Variants in CPEB3 observed in about 807,000 individuals in gnomAD.
The protein encoded by CPEB3 is cytoplasmic polyadenylation element-binding protein 3.
In CPEB3, 20 loss-of-function variants were observed where a neutral mutation model predicts 67.2. The observed-to-expected ratio is 0.30, with a 90% confidence interval of 0.21 to 0.43. CPEB3 has a LOEUF of 0.43. CPEB3 is among the 20% of genes least tolerant of loss of function. The probability of loss-of-function intolerance (pLI) is 1.00; values close to 1 mark genes in which losing one functional copy is unlikely to be tolerated. For missense variants in CPEB3, 746 were observed against 968.6 expected (o/e 0.77, Z 3.05); for synonymous variants, 376 against 393.1 (o/e 0.96, Z 0.51).
chr10:92,211,506 A>G (rs992930937), intron 2 of CPEB3, among the ~76,000 whole-genome samples: 5 of 152,160 alleles, frequency 3.3e-5, no homozygotes, highest in Non-Finnish European at 7.4e-5. Context: ...AAATTGTTTT[A>G]AACAACAGCT....
intron 1 of CPEB3, among the ~76,000 whole-genome samples, chr10:92,279,799 C>T (rs1276503210): frequency 1.3e-5 from 2 of 152,126 alleles, no homozygotes; most frequent in African/African-American, 4.8e-5. Flanking sequence ...CTCTTGAACC[C>T]AGGAGTTTGA....
intron 2 of CPEB3, among the ~76,000 whole-genome samples, chr10:92,201,227 C>CA (rs1849508665): frequency 6.6e-6 from 1 of 151,848 alleles, no homozygotes; most frequent in South Asian, 2.1e-4. Flanking sequence ...GAGAAGGCAT[C>CA]AAAAAAGTAC....
intron 2 of CPEB3, among the ~76,000 whole-genome samples, chr10:92,206,295 A>T (rs890909363): frequency 6.6e-6 from 1 of 151,606 alleles, no homozygotes; most frequent in African/African-American, 2.4e-5. Flanking sequence ...CTGGTCTCGA[A>T]CTCCCAACCT....
At chr10:92,082,971 A>G (rs1396242157) in intron 8 of CPEB3, among the ~76,000 whole-genome samples, 1 of 152,098 alleles carries the variant, frequency 6.6e-6, no homozygotes, top group Non-Finnish European at 1.5e-5. Context: ...AGAATGTACA[A>G]AGGGTGAAGG....
intron 1 of CPEB3, among the ~76,000 whole-genome samples, chr10:92,240,565 T>C (rs1420111238): frequency 6.6e-6 from 1 of 152,182 alleles, no homozygotes. Flanking sequence ...TCTCTAAAAA[T>C]ACTGTGAGAG....
At chr10:92,053,147 T>C (rs983661366) in intron 9 of CPEB3, among the ~76,000 whole-genome samples, 9 of 152,176 alleles carry the variant, frequency 5.9e-5, no homozygotes, top group African/African-American at 1.9e-4. Flanking sequence ...GGCTTTTTTA[T>C]TTTTGGAACT....
At chr10:92,283,722 C>CTTTTTTTTTTTTTTTTTTTTTTTTTT (rs869248048) in intron 1 of CPEB3, among the ~76,000 whole-genome samples, 2 of 108,950 alleles carry the variant, frequency 1.8e-5, no homozygotes, top group Non-Finnish European at 3.8e-5. Context: ...CTTTTTCTTT[C>CTTTTTTTTTTTTTTTTTTTTTTTTTT]TTTTTTTTTT....
intron 2 of CPEB3, chr10:92,216,688 C>T (rs1174890304): frequency 1.2e-6 from 2 of 1,605,204 alleles, no homozygotes; most frequent in African/African-American, 2.7e-5. Flanking sequence ...CAGCCACAGG[C>T]TCCAAGCGCC....
Position 92,275,540 on chromosome 10 carries a change from G to A in CPEB3, c.-12+15386C>T, listed in dbSNP as rs139916499. 3.6e-3 allele frequency among the ~76,000 whole-genome samples: 542 copies of A among 152,192 alleles called. 2 individuals carry two copies. The highest frequency in any genetic ancestry group is 0.018 in the South Asian group (85 of 4,828). On this transcript the variant is annotated intron_variant, in intron 1 of 9. Coordinates refer to ENST00000265997, the MANE Select transcript of CPEB3 (RefSeq NM_014912.5). ...TGTTATTATTAAATAACAGCTTTATGGAGCTATAATTCACTCACTTAAAGT... is the reference window on the plus strand; with the variant it reads ...TGTTATTATTAAATAACAGCTTTATAGAGCTATAATTCACTCACTTAAAGT...
intron 1 of CPEB3, among the ~76,000 whole-genome samples, chr10:92,280,376 A>G (rs1397391703): frequency 7.0e-6 from 1 of 143,008 alleles, no homozygotes; most frequent in African/African-American, 2.5e-5. Flanking sequence ...AAAGAGAGAG[A>G]GAGAGAAAGA....
intron 3 of CPEB3, among the ~76,000 whole-genome samples, chr10:92,190,263 A>G (rs1475812378): frequency 1.3e-5 from 2 of 151,978 alleles, no homozygotes; most frequent in South Asian, 2.1e-4. Context: ...GGGCGACAAG[A>G]GCAAGACTTT....
chr10:92,236,376 A>G (rs1463341609), intron 2 of CPEB3, among the ~76,000 whole-genome samples: 1 of 152,218 alleles, frequency 6.6e-6, no homozygotes, highest in Non-Finnish European at 1.5e-5. Context: ...CTAAGAAAGC[A>G]GCCACCAAAA....
chr10:92,050,453 TC>T lies in CPEB3; in HGVS notation c.*1758del, dbSNP rs370082311. ...TGCAGTGTCATATCCAGTCAGATTG[TC>T]CCCAGAATTCCAAAACATAGGAAGA... is the stretch of plus-strand genomic sequence containing the variant. On this transcript the variant is annotated 3_prime_UTR_variant, in exon 10 of 10. Coordinates refer to ENST00000265997, the MANE Select transcript of CPEB3 (RefSeq NM_014912.5). 8.5e-5 allele frequency: 13 copies of T among 152,598 alleles called. No individual in the cohort carries two copies. Among genetic ancestry groups the T allele is most frequent in the African/African-American group, 3.1e-4 (13 of 41,416 alleles). The allele number at this position is 152,598 out of a possible 1,614,324, so 9.5% of individuals were successfully genotyped here.
chr10:92,143,186 C>T, intron 5 of CPEB3, 68 bp from the exon 6 acceptor site: 6 of 1,173,344 alleles, frequency 5.1e-6, no homozygotes, highest in South Asian at 4.1e-5. Flanking sequence ...CAGAAGAGCA[C>T]AAAACATGTC....
At chr10:92,120,098 C>CAAAAAAAAAAAAAAAAAAAACAACCA (rs34785763) in intron 6 of CPEB3, among the ~76,000 whole-genome samples, 1 of 45,246 alleles carries the variant, frequency 2.2e-5, no homozygotes, top group Non-Finnish European at 3.7e-5. Context: ...ACTAAAAATA[C>CAAAAAAAAAAAAAAAAAAAACAACCA]AAAAAAAAAA....
intron 2 of CPEB3, among the ~76,000 whole-genome samples, chr10:92,231,319 C>A (rs1439858628): frequency 6.6e-6 from 1 of 152,200 alleles, no homozygotes; most frequent in Non-Finnish European, 1.5e-5. Context: ...TACTGAATAT[C>A]AACAATATTT....
chr10:92,139,200 C>A (rs759674412), intron 6 of CPEB3, among the ~76,000 whole-genome samples: 3 of 151,550 alleles, frequency 2.0e-5, no homozygotes, highest in East Asian at 3.9e-4. Flanking sequence ...TCTCTTGAAT[C>A]CCAGAGGTGG....
At chr10:92,115,189 T>C (rs1844953794) in intron 6 of CPEB3, among the ~76,000 whole-genome samples, 1 of 152,190 alleles carries the variant, frequency 6.6e-6, no homozygotes, top group African/African-American at 2.4e-5. Flanking sequence ...AGTCTCGGTC[T>C]CTTGCCCAGG....
chr10:92,139,856 TGAGGTCAGGAGTTCAA>T (rs1191569947), intron 6 of CPEB3, among the ~76,000 whole-genome samples: 6 of 151,986 alleles, frequency 3.9e-5, no homozygotes, highest in Admixed American at 2.6e-4. Flanking sequence ...AGGAGGATCA[TGAGGTCAGGAGTTCAA>T]GACCAGCCTG....
Sources: gnomAD v4.1 joint callset for allele counts (sites outside exome capture counted in the v4.1 genomes callset) on GRCh38, gnomAD v4.1.1 for gene constraint, MANE v1.5 for transcripts, NCBI Gene and HGNC (gene_info 2026-07-23, HGNC 2026-07-21) for gene names.